The following SDK1 variants were observed in gnomAD, a reference collection of about 807,000 sequenced individuals.
SDK1 encodes the protein protein sidekick-1.
Under a neutral mutation model 245.5 loss-of-function variants are expected in SDK1, and 157 were observed. That is an observed-to-expected ratio of 0.64 (90% CI 0.56 to 0.73). SDK1 has a LOEUF of 0.73. Ranked by LOEUF, SDK1 falls within the 30% of genes least tolerant of loss-of-function variation. The pLI, the probability that SDK1 is intolerant of heterozygous loss-of-function variation, is 0.00. For missense variants in SDK1, 3,583 were observed against 3,002.3 expected (o/e 1.19, Z -4.52); for synonymous variants, 1,647 against 1,278.5 (o/e 1.29, Z -6.15).
At position 3,301,277 on chromosome 7, in the gene SDK1, G is replaced by GGGC. The variant is rs540876108; in HGVS notation, c.-294_-292dup. The stretch of plus-strand genomic sequence containing the variant: ...GCACTTTCTTCTCAGCGCCGGGCGG[G>GGGC]GGCGGCGGCGGCGGCGGCTCCTCCG... On this transcript the variant is annotated 5_prime_UTR_variant, in exon 1 of 45. Coordinates refer to ENST00000404826, the MANE Select transcript of SDK1 (RefSeq NM_152744.4). Among the ~76,000 whole-genome samples the GGGC allele has an allele frequency of 0.2, 28,777 of 145,756 alleles. 2,901 individuals are homozygous for GGGC. The highest frequency in any genetic ancestry group is 0.27 in the African/African-American group (10,889 of 40,292).
At chr7:3,324,971 A>G (rs1206495321) in intron 1 of SDK1, among the ~76,000 whole-genome samples, 1 of 152,198 alleles carries the variant, frequency 6.6e-6, no homozygotes, top group Non-Finnish European at 1.5e-5. Flanking sequence ...AGGAAACTGT[A>G]TTCAAGCCAC....
intron 4 of SDK1, among the ~76,000 whole-genome samples, chr7:3,673,346 C>G (rs1783780300): frequency 6.6e-6 from 1 of 152,118 alleles, no homozygotes; most frequent in Admixed American, 6.5e-5. Context: ...TCAATAGAGA[C>G]AAAAGGGGAA....
chr7:3,689,158 C>G (rs148683253), intron 4 of SDK1, among the ~76,000 whole-genome samples: 2 of 152,168 alleles, frequency 1.3e-5, no homozygotes, highest in Non-Finnish European at 1.5e-5. Flanking sequence ...TGTTTGCTAT[C>G]TGGCCCTTTA....
At chr7:4,047,302 T>C (rs1789092329) in intron 17 of SDK1, among the ~76,000 whole-genome samples, 1 of 152,254 alleles carries the variant, frequency 6.6e-6, no homozygotes, top group South Asian at 2.1e-4. Context: ...CTTTGATTGT[T>C]ATTCACATCT....
At chr7:3,967,802 C>A (rs1782194075) in intron 10 of SDK1, among the ~76,000 whole-genome samples, 1 of 152,198 alleles carries the variant, frequency 6.6e-6, no homozygotes, top group Non-Finnish European at 1.5e-5. Context: ...CTCAGGCAGT[C>A]ATGCACGGTG....
At chr7:4,202,278 C>T (rs1336124397) in intron 35 of SDK1, among the ~76,000 whole-genome samples, 2 of 152,224 alleles carry the variant, frequency 1.3e-5, no homozygotes, top group Non-Finnish European at 2.9e-5. Flanking sequence ...AGGATTTTGG[C>T]AGCGTTAGGC....
chr7:3,378,283 G>A (rs1242444780), intron 1 of SDK1, among the ~76,000 whole-genome samples: 3 of 152,158 alleles, frequency 2.0e-5, no homozygotes, highest in African/African-American at 7.2e-5. Context: ...TATATGGTCT[G>A]CTGATGGCAC....
chr7:3,689,266 C>T (rs1337021930), intron 4 of SDK1, among the ~76,000 whole-genome samples: 2 of 152,176 alleles, frequency 1.3e-5, no homozygotes, highest in Non-Finnish European at 2.9e-5. Flanking sequence ...CCTGATGATT[C>T]ACCTCTCCCA....
At chr7:3,371,499 C>T (rs1488936828) in intron 1 of SDK1, among the ~76,000 whole-genome samples, 3 of 151,794 alleles carry the variant, frequency 2.0e-5, no homozygotes, top group Non-Finnish European at 4.4e-5. Context: ...ACCAGGGGGC[C>T]CTAAGGGGGA....
intron 4 of SDK1, among the ~76,000 whole-genome samples, chr7:3,760,302 T>A (rs1327898669): frequency 1.3e-5 from 2 of 152,212 alleles, no homozygotes; most frequent in Non-Finnish European, 2.9e-5. Context: ...GTTACAAAGC[T>A]GGGTGCACAC....
At chr7:3,636,675 G>A (rs559659526) in intron 2 of SDK1, among the ~76,000 whole-genome samples, 1 of 152,234 alleles carries the variant, frequency 6.6e-6, no homozygotes, top group Non-Finnish European at 1.5e-5. Flanking sequence ...TGGGAGGGCA[G>A]ACATCTGAGA....
At chr7:3,400,960 C>G (rs1023501278) in intron 1 of SDK1, among the ~76,000 whole-genome samples, 1 of 152,048 alleles carries the variant, frequency 6.6e-6, no homozygotes, top group Non-Finnish European at 1.5e-5. Context: ...AGTGTCAGGA[C>G]AGGACAGTGA....
chr7:3,969,482 A>G lies in SDK1; in HGVS notation c.1714+58A>G. On this transcript the variant is annotated intron_variant, in intron 11 of 44. Transcript: ENST00000404826. ...TTAGCCACGGTTTAATCATCACGTC[A>G]TCGTGTGCTTTGGGGATGTCAGCAT... 4 of 1,370,464 alleles carry G rather than the reference A, an allele frequency of 2.9e-6. No homozygotes were observed. In the South Asian group the frequency reaches 7.3e-5, roughly 25 times the overall value. The allele number at this position is 1,370,464 out of a possible 1,614,324, so 84.9% of individuals were successfully genotyped here.
chr7:3,472,712 C>T (rs1781221866), intron 1 of SDK1, among the ~76,000 whole-genome samples: 1 of 152,162 alleles, frequency 6.6e-6, no homozygotes, highest in African/African-American at 2.4e-5. Context: ...AGAACTTTAA[C>T]CTAGATTACT....
chr7:3,604,537 T>G (rs1423199205), intron 1 of SDK1, among the ~76,000 whole-genome samples: 2 of 152,120 alleles, frequency 1.3e-5, no homozygotes, highest in Middle Eastern at 3.4e-3. Context: ...TTCATTGTTT[T>G]GTATATTTTC....
chr7:4,169,815 G>C (rs990622222), intron 32 of SDK1, among the ~76,000 whole-genome samples: 8 of 152,130 alleles, frequency 5.3e-5, no homozygotes, highest in African/African-American at 1.7e-4. Context: ...CCCTGCGGGA[G>C]GGCCCCTGGG....
intron 4 of SDK1, among the ~76,000 whole-genome samples, chr7:3,660,705 C>T (rs1393895701): frequency 1.3e-5 from 2 of 152,212 alleles, no homozygotes; most frequent in East Asian, 1.9e-4. Context: ...GCTCATGCTT[C>T]ACCCAGGATG....
rs1244653563 is a variant in SDK1 at position 3,321,724 on chromosome 7, T to C, written c.298+19840T>C. ...CCTCCTCCTCCCCCTCCCTCTCCCC[T>C]CTCCCTCCCATCCCCTCCCCCCTCC... On this transcript the variant is annotated intron_variant, in intron 1 of 44. Transcript: ENST00000404826. Among the ~76,000 whole-genome samples the C allele has an allele frequency of 2.9e-3, 72 of 25,254 alleles. 1 individual carries two copies. The highest frequency in any genetic ancestry group is 3.5e-3 in the Non-Finnish European group (51 of 14,516). The allele number at this position is 25,254 out of a possible 152,430, so 16.6% of individuals were successfully genotyped here.
Position 4,017,393 on chromosome 7 carries a change from C to T in SDK1, c.2602+41C>T, listed in dbSNP as rs756048682. 5.1e-6 allele frequency: 8 copies of T among 1,553,688 alleles called. No individual in the cohort carries two copies. In the Admixed American group the frequency reaches 7.1e-5, roughly 14 times the overall value. ...AAACCACGAGGTGGCGGGATCTTTG[C>T]CGGGGAATGGGATTTGCAAGGTTTG... On this transcript the variant is annotated intron_variant, in intron 17 of 44. Coordinates refer to ENST00000404826, the MANE Select transcript of SDK1 (RefSeq NM_152744.4).
Sources: gnomAD v4.1 joint callset for allele counts (sites outside exome capture counted in the v4.1 genomes callset) on GRCh38, gnomAD v4.1.1 for gene constraint, MANE v1.5 for transcripts, NCBI Gene and HGNC (gene_info 2026-07-23, HGNC 2026-07-21) for gene names.